The following COL8A1 variants were observed in gnomAD, a reference collection of about 807,000 sequenced individuals.
COL8A1 encodes the protein collagen type VIII alpha 1 chain, also known as collagen alpha-1(VIII) chain.
Under a neutral mutation model 42.7 loss-of-function variants are expected in COL8A1, and 21 were observed. The observed-to-expected ratio is 0.49, with a 90% CI of 0.35 to 0.71. The LOEUF (loss-of-function observed/expected upper bound fraction) is 0.71, where lower values mean the gene tolerates loss of function less well. COL8A1 is among the 30% of genes least tolerant of loss of function. The pLI is 0.01. For synonymous variants in COL8A1, 367 were observed against 369.1 expected (o/e 0.99, Z 0.06); for missense variants, 788 against 962.4 (o/e 0.82, Z 2.40).
Position 99,795,871 on chromosome 3 carries a change from T to C in COL8A1, c.1970T>C (p.Val657Ala), listed in dbSNP as rs758837285. 3.1e-6 allele frequency: 5 copies of C among 1,613,952 alleles called. No homozygotes were observed. In the African/African-American group the frequency reaches 5.3e-5, roughly 17 times the overall value. ...CAGACAGGCATCTTCACCTGTGAGG[T>C]CCCTGGTGTCTACTACTTTGCATAC... ...NPQTGIFTCE[V>A]PGVYYFAYHV... The change falls in exon 4 of 4, where the codon GTC becomes GCC. Residue 657 changes from valine to alanine, a missense_variant. By Grantham distance (64) the Val-to-Ala change is moderately conservative. This residue lies in a region of COL8A1 where 212 missense variants were observed against 210.9 expected (regional missense o/e 1.00). Transcript: ENST00000652472.
intron 1 of COL8A1, among the ~76,000 whole-genome samples, chr3:99,676,397 A>T (rs1938698624): frequency 6.6e-6 from 1 of 152,148 alleles, no homozygotes; most frequent in Non-Finnish European, 1.5e-5. Context: ...TGGTTGCAAA[A>T]TGATCAAGTA....
intron 1 of COL8A1, among the ~76,000 whole-genome samples, chr3:99,731,846 G>A (rs2107384926): frequency 6.6e-6 from 1 of 152,250 alleles, no homozygotes; most frequent in East Asian, 1.9e-4. Context: ...GTCAGATGGT[G>A]TCCTTGGGTT....
chr3:99,769,244 T>A (rs1364440540), intron 2 of COL8A1, among the ~76,000 whole-genome samples: 1 of 152,248 alleles, frequency 6.6e-6, no homozygotes, highest in Non-Finnish European at 1.5e-5. Context: ...GCCTGGCATA[T>A]GAAGGGCATC....
chr3:99,640,898 A>G (rs1157521525), intron 1 of COL8A1, among the ~76,000 whole-genome samples: 1 of 152,148 alleles, frequency 6.6e-6, no homozygotes, highest in Non-Finnish European at 1.5e-5. Flanking sequence ...GTCCATGACT[A>G]TACCCAACCA....
chr3:99,644,993 G>T (rs1321153732), intron 1 of COL8A1, among the ~76,000 whole-genome samples: 1 of 152,178 alleles, frequency 6.6e-6, no homozygotes, highest in African/African-American at 2.4e-5. Flanking sequence ...GGCAGCAGAG[G>T]GGTTAAGTTG....
chr3:99,735,898 G>T (rs148350589), intron 1 of COL8A1, among the ~76,000 whole-genome samples: 27,901 of 151,726 alleles, frequency 0.18, 2,680 homozygotes, highest in African/African-American at 0.23. Context: ...ATGTGTCAAG[G>T]AATTTATCCA....
intron 1 of COL8A1, among the ~76,000 whole-genome samples, chr3:99,714,323 T>G (rs1230421782): frequency 5.3e-5 from 8 of 152,044 alleles, no homozygotes; most frequent in Non-Finnish European, 1.2e-4. Context: ...TCCCCAAGGG[T>G]GCCCTCCACT....
intron 1 of COL8A1, among the ~76,000 whole-genome samples, chr3:99,667,215 C>A (rs1353851401): frequency 6.6e-6 from 1 of 152,056 alleles, no homozygotes; most frequent in East Asian, 1.9e-4. Flanking sequence ...TAAACTATTC[C>A]TTTGGGTTCC....
Position 99,736,130 on chromosome 3 carries a change from GT to G in COL8A1, c.-128-8761del, listed in dbSNP as rs996004870. On this transcript the variant is annotated intron_variant, in intron 1 of 3. Transcript: ENST00000652472. ...CCTAGATTCATTAATTTTTTGAAGG[GT>G]TTTTTGTGTCTCTATTTCCTTCAGT... 1.8e-3 allele frequency among the ~76,000 whole-genome samples: 274 copies of G among 152,096 alleles called. 3 individuals are homozygous for G. Among genetic ancestry groups the G allele is most frequent in the African/African-American group, 6.5e-3 (270 of 41,494 alleles).
rs4928216 is a variant in COL8A1 at position 99,699,083 on chromosome 3, T to A, written c.-128-45814T>A. Among the ~76,000 whole-genome samples the A allele has an allele frequency of 2.1e-3, 313 of 152,260 alleles. 6 individuals carry two copies. Among genetic ancestry groups the A allele is most frequent in the Admixed American group, 0.019 (295 of 15,292 alleles). ...CTCCTGGGTTTCTCCACGTGATAAA[T>A]TCAAAACTAAAACTTCCTCTCACCA... On this transcript the variant is annotated intron_variant, in intron 1 of 3. Coordinates refer to ENST00000652472, the MANE Select transcript of COL8A1 (RefSeq NM_020351.4).
At position 99,710,372 on chromosome 3, in the gene COL8A1, G is replaced by A. The variant is rs151075549; in HGVS notation, c.-128-34525G>A. 1.7e-3 allele frequency among the ~76,000 whole-genome samples: 266 copies of A among 152,084 alleles called. 6 individuals are homozygous for A. In the East Asian group the frequency reaches 0.027, roughly 16 times the overall value. On this transcript the variant is annotated intron_variant, in intron 1 of 3. Transcript: ENST00000652472. ...AAAATAAGCCCACTCCACTATCTCC[G>A]TCCCCTCCAAGCACCAATAGGAGGA...
intron 1 of COL8A1, among the ~76,000 whole-genome samples, chr3:99,715,818 T>G (rs1939979599): frequency 6.6e-6 from 1 of 151,932 alleles, no homozygotes; most frequent in Non-Finnish European, 1.5e-5. Flanking sequence ...GTGGGAATAC[T>G]AAAGTGGGGT....
Position 99,795,050 on chromosome 3 carries a change from A to C in COL8A1, c.1149A>C (p.Pro383=). ...GGGAGAAAGGACCAATAGGTGCCCC[A>C]GGAATAGGGGGTCCTCCAGGAGAGC... is the stretch of plus-strand genomic sequence containing the variant. ...PRGEKGPIGA[P]GIGGPPGEPG... The change falls in exon 4 of 4, where the codon CCA becomes CCC. Residue 383 remains proline (P), a synonymous_variant. Coordinates refer to ENST00000652472, the MANE Select transcript of COL8A1 (RefSeq NM_020351.4). The C allele has an allele frequency of 6.2e-7, 1 of 1,608,718 alleles. No individual in the cohort carries two copies. Among genetic ancestry groups the C allele is most frequent in the South Asian group, 1.1e-5 (1 of 90,610 alleles).
At chr3:99,724,114 A>G (rs1940235005) in intron 1 of COL8A1, among the ~76,000 whole-genome samples, 1 of 152,106 alleles carries the variant, frequency 6.6e-6, no homozygotes, top group South Asian at 2.1e-4. Flanking sequence ...ACCGTCCTTG[A>G]CAATAATGGT....
rs1007234553 is a variant in COL8A1, at chr3:99,662,087, G to T, written c.-129+23423G>T. Among the ~76,000 whole-genome samples the T allele has an allele frequency of 5.3e-5, 8 of 152,150 alleles. No homozygotes were observed. In the South Asian group the frequency reaches 6.2e-4, roughly 12 times the overall value. On this transcript the variant is annotated intron_variant, in intron 1 of 3. Coordinates refer to ENST00000652472, the MANE Select transcript of COL8A1 (RefSeq NM_020351.4). ...ACCATTGAACTGTACACTTAAAAAT[G>T]GTTAATATGGGCCGAGCACGGTGGC...
intron 2 of COL8A1, among the ~76,000 whole-genome samples, chr3:99,752,905 GAGGAA>G (rs765414176): frequency 6.6e-6 from 1 of 152,126 alleles, no homozygotes. Flanking sequence ...ATGGGTATAT[GAGGAA>G]AGCTGGGACA....
Position 99,794,074 on chromosome 3 carries a change from G to A in COL8A1, c.329-156G>A, listed in dbSNP as rs1942054258. Among the ~76,000 whole-genome samples the A allele has an allele frequency of 6.6e-6, 1 of 152,190 alleles. No individual in the cohort carries two copies. Among genetic ancestry groups the A allele is most frequent in the East Asian group, 1.9e-4 (1 of 5,200 alleles). On this transcript the variant is annotated intron_variant, in intron 3 of 3. Coordinates refer to ENST00000652472, the MANE Select transcript of COL8A1 (RefSeq NM_020351.4). This position sits in a 1 kb window ranked among gnomAD's most constrained non-coding sequence, Gnocchi z 4.3. ...GCCTGATTTTTAAGGTCTAGAAGATGAGCATATTATTCCTAGTCTTTTCTC... is the reference window on the plus strand; with the variant it reads ...GCCTGATTTTTAAGGTCTAGAAGATAAGCATATTATTCCTAGTCTTTTCTC...
At chr3:99,697,143 C>G (rs1230357936) in intron 1 of COL8A1, among the ~76,000 whole-genome samples, 8 of 151,126 alleles carry the variant, frequency 5.3e-5, no homozygotes, top group Admixed American at 3.3e-4. Context: ...CCCGCCACTA[C>G]GCCCGGCTAA....
intron 1 of COL8A1, among the ~76,000 whole-genome samples, chr3:99,702,411 G>T (rs972514096): frequency 2.0e-5 from 3 of 152,186 alleles, no homozygotes; most frequent in Non-Finnish European, 4.4e-5. Context: ...AATACAAGTA[G>T]CAAAATTCAC....
Sources: allele counts gnomAD v4.1 joint callset (sites outside exome capture counted in the v4.1 genomes callset), GRCh38; gene constraint gnomAD v4.1.1; regional missense constraint gnomAD v4.1.1; non-coding constraint Gnocchi (gnomAD v3.1); transcripts MANE v1.5; gene names NCBI Gene and HGNC (gene_info 2026-07-23, HGNC 2026-07-21).